The following SEC61A2 variants were observed in gnomAD, a reference collection of about 807,000 sequenced individuals.
SEC61A2 encodes protein transport protein Sec61 subunit alpha isoform 2.
A neutral mutation model predicts 59.9 loss-of-function variants in SEC61A2; 28 were observed. That is an observed-to-expected ratio of 0.47 (90% CI 0.35 to 0.64). The LOEUF (loss-of-function observed/expected upper bound fraction) is 0.64, where lower values mean the gene tolerates loss of function less well. Ranked by LOEUF, SEC61A2 falls within the 30% of genes least tolerant of loss-of-function variation. The probability of loss-of-function intolerance (pLI) is 0.01; values close to 1 mark genes in which losing one functional copy is unlikely to be tolerated. For missense variants in SEC61A2, 340 were observed against 585.9 expected (o/e 0.58, Z 4.33); for synonymous variants, 202 against 214.4 (o/e 0.94, Z 0.50).
chr10:12,155,995 C>T lies in SEC61A2; in HGVS notation c.616+64C>T. Reference sequence around the variant, plus strand: ...GGATGTGTGCTGGGAACAAACCCATCGTGTCGCAGTACATGCCTAGAGCCG... The same window carrying T: ...GGATGTGTGCTGGGAACAAACCCATTGTGTCGCAGTACATGCCTAGAGCCG... On this transcript the variant is annotated intron_variant, in intron 7 of 11. Coordinates refer to ENST00000298428, the MANE Select transcript of SEC61A2 (RefSeq NM_018144.4). This position sits in a 1 kb window ranked among gnomAD's most constrained non-coding sequence, Gnocchi z 4.3. 14 of 1,566,340 alleles carry T rather than the reference C, an allele frequency of 8.9e-6. No homozygotes were observed. Among genetic ancestry groups the T allele is most frequent in the South Asian group, 3.4e-5 (3 of 89,352 alleles).
Position 12,155,512 on chromosome 10 carries a change from G to T in SEC61A2, c.463-266G>T. On this transcript the variant is annotated intron_variant, in intron 6 of 11. Coordinates refer to ENST00000298428, the MANE Select transcript of SEC61A2 (RefSeq NM_018144.4). This position sits in a 1 kb window ranked among gnomAD's most constrained non-coding sequence, Gnocchi z 4.3. Reference sequence around the variant, plus strand: ...CAGGCTTTATTTAAACATTGCAAAAGAAACTATTCAGATAAGTGTAAATAG... The same window carrying T: ...CAGGCTTTATTTAAACATTGCAAAATAAACTATTCAGATAAGTGTAAATAG... The T allele has an allele frequency of 1.4e-6, 1 of 690,596 alleles. No homozygotes were observed. Among genetic ancestry groups the T allele is most frequent in the East Asian group, 2.7e-5 (1 of 36,368 alleles). 42.8% of individuals were successfully genotyped at this position (690,596 alleles called of 1,614,324 possible). A position where few individuals can be genotyped will look rare whatever the true frequency, so the allele number is the denominator to read the frequency against.
At chr10:12,157,884 C>A in intron 8 of SEC61A2, 24 bp from the exon 9 acceptor site, 1 of 1,610,718 alleles carries the variant, frequency 6.2e-7, no homozygotes, top group Non-Finnish European at 8.5e-7. Flanking sequence ...GGCTCCCCCA[C>A]TTACTCTCCG....
At chr10:12,133,418 A>G (rs1833810417) in intron 2 of SEC61A2, 110 bp downstream of exon 2, 3 of 549,576 alleles carry the variant, frequency 5.5e-6, no homozygotes, top group Non-Finnish European at 1.0e-5. Flanking sequence ...TTGGAAAACT[A>G]TTGGTGTTCA....
In SEC61A2 at chr10:12,143,240, A is replaced by G. The variant is rs1588634634; in HGVS notation, c.220+45A>G. ...CTCCACACTCCTACTCACAGCAAAC[A>G]GATGGAAACATGTGGATTAGCAATG... On this transcript the variant is annotated intron_variant, in intron 4 of 11. Coordinates refer to ENST00000298428, the MANE Select transcript of SEC61A2 (RefSeq NM_018144.4). This position sits in a 1 kb window ranked among gnomAD's most constrained non-coding sequence, Gnocchi z 4.8. 7.5e-7 allele frequency: 1 copy of G among 1,326,348 alleles called. No homozygotes were observed. The highest frequency in any genetic ancestry group is 2.3e-5 in the East Asian group (1 of 43,598). 82.2% of individuals were successfully genotyped at this position (1,326,348 alleles called of 1,614,324 possible).
At position 12,162,296 on chromosome 10, in the gene SEC61A2, C is replaced by T; in HGVS notation, c.1244+7C>T. 1.9e-6 allele frequency: 3 copies of T among 1,605,342 alleles called. No individual in the cohort carries two copies. Among genetic ancestry groups the T allele is most frequent in the Non-Finnish European group, 2.6e-6 (3 of 1,172,320 alleles). On this transcript the variant is annotated splice_region_variant and intron_variant, in intron 11 of 11. Transcript: ENST00000298428. This position sits in a 1 kb window ranked among gnomAD's most constrained non-coding sequence, Gnocchi z 6.1. ...TGGTTCATGAGCTTAATAGGTAAGG[C>T]TGCTAGACTGACACCTTTATAGGCC... is the stretch of plus-strand genomic sequence containing the variant.
chr10:12,131,566 T>C (rs76038861), intron 1 of SEC61A2, among the ~76,000 whole-genome samples: 3,567 of 152,142 alleles, frequency 0.023, 79 homozygotes, highest in Non-Finnish European at 0.033. Flanking sequence ...TCTGATGAAA[T>C]GTAATTGTTA....
At position 12,165,060 on chromosome 10, in the gene SEC61A2, C is replaced by A; in HGVS notation, c.*606C>A. 2 of 987,344 alleles carry A rather than the reference C, an allele frequency of 2.0e-6. No individual in the cohort carries two copies. The highest frequency in any genetic ancestry group is 6.1e-5 in the Admixed American group (1 of 16,274). The allele number at this position is 987,344 out of a possible 1,614,324, so 61.2% of individuals were successfully genotyped here. ...AAGGCCTCCTCCTTCTCCTCCTCCT[C>A]TTCCTCTTCCTCCTTTTCCTTCTCC... On this transcript the variant is annotated 3_prime_UTR_variant, in exon 12 of 12. Coordinates refer to ENST00000298428, the MANE Select transcript of SEC61A2 (RefSeq NM_018144.4).
At position 12,158,406 on chromosome 10, in the gene SEC61A2, C is replaced by T; in HGVS notation, c.975+301C>T. 1 of 347,152 alleles carries T rather than the reference C, an allele frequency of 2.9e-6. No individual in the cohort carries two copies. The highest frequency in any genetic ancestry group is 5.4e-6 in the Non-Finnish European group (1 of 186,492). The allele number at this position is 347,152 out of a possible 1,614,324, so 21.5% of individuals were successfully genotyped here. ...AATTTCCTATTTTGTCATCTTATTC[C>T]AGTATTGTCTACAATAATGCTTTCT... On this transcript the variant is annotated intron_variant, in intron 9 of 11. Coordinates refer to ENST00000298428, the MANE Select transcript of SEC61A2 (RefSeq NM_018144.4). This position sits in a 1 kb window ranked among gnomAD's most constrained non-coding sequence, Gnocchi z 5.7.
rs549275648 is a variant in SEC61A2, at chr10:12,145,949, C to T, written c.220+2754C>T. 6.6e-6 allele frequency among the ~76,000 whole-genome samples: 1 copy of T among 152,304 alleles called. No homozygotes were observed. The highest frequency in any genetic ancestry group is 2.4e-5 in the African/African-American group (1 of 41,570). ...AAGGGGAGCAAGGCCAGCCCTTAGG[C>T]CTCAGCAGCAGGGATTGGTGAACAT... On this transcript the variant is annotated intron_variant, in intron 4 of 11. Transcript: ENST00000298428. This position sits in a 1 kb window ranked among gnomAD's most constrained non-coding sequence, Gnocchi z 4.4.
chr10:12,149,524 G>T lies in SEC61A2; in HGVS notation c.221-71G>T. 1 of 1,430,200 alleles carries T rather than the reference G, an allele frequency of 7.0e-7. No individual in the cohort carries two copies. The highest frequency in any genetic ancestry group is 9.4e-7 in the Non-Finnish European group (1 of 1,062,198). The allele number at this position is 1,430,200 out of a possible 1,614,324, so 88.6% of individuals were successfully genotyped here. A position where few individuals can be genotyped will look rare whatever the true frequency, so the allele number is the denominator to read the frequency against. On this transcript the variant is annotated intron_variant, in intron 4 of 11. Coordinates refer to ENST00000298428, the MANE Select transcript of SEC61A2 (RefSeq NM_018144.4). This position sits in a 1 kb window ranked among gnomAD's most constrained non-coding sequence, Gnocchi z 5.2. The stretch of plus-strand genomic sequence containing the variant: ...GTGTTTCAGTTGAGGTAATTAGGGA[G>T]TGCGACACCTCTAAATCAGTTTGTA...
intron 8 of SEC61A2, among the ~76,000 whole-genome samples, chr10:12,157,650 A>G (rs910853781): frequency 6.6e-6 from 1 of 151,882 alleles, no homozygotes; most frequent in Non-Finnish European, 1.5e-5. Context: ...CTACAGGTGC[A>G]TATCACCACA....
At chr10:12,157,137 C>A in intron 8 of SEC61A2, 70 bp downstream of exon 8, 1 of 1,426,636 alleles carries the variant, frequency 7.0e-7, no homozygotes, top group Non-Finnish European at 9.7e-7. Context: ...AGAATGCCAT[C>A]TGACATGCTG....
rs369722478 is a variant in SEC61A2, at chr10:12,155,780, G to A, written c.465G>A (p.Leu155=). 1.8e-5 allele frequency: 29 copies of A among 1,614,036 alleles called. No homozygotes were observed. Among genetic ancestry groups the A allele is most frequent in the African/African-American group, 1.1e-4 (8 of 74,900 alleles). ...AGICLLIIIQ[L]FVAGLIVLLL... is the part of the protein sequence containing the mutation. Reference sequence around the variant, plus strand: ...TACTTGCATTTCTTTCCCCACAGTTGTTTGTTGCTGGTTTGATTGTGCTGC... The same window carrying A: ...TACTTGCATTTCTTTCCCCACAGTTATTTGTTGCTGGTTTGATTGTGCTGC... The change falls in exon 7 of 12, where the codon TTG becomes TTA. Residue 155 remains leucine, a splice_region_variant and synonymous_variant. Transcript: ENST00000298428. The surrounding 1 kb of genome is among the most constrained non-coding windows in gnomAD (Gnocchi z 4.3).
At chr10:12,136,059 C>G (rs1341284134) in intron 2 of SEC61A2, 46 bp from the exon 3 acceptor site, 1 of 1,334,612 alleles carries the variant, frequency 7.5e-7, no homozygotes, top group Non-Finnish European at 1.1e-6. Context: ...CAAAAATTTG[C>G]TGTTTCTTGG....
chr10:12,142,815 A>G lies in SEC61A2; in HGVS notation c.142-302A>G, dbSNP rs1038044564. 4.0e-5 allele frequency among the ~76,000 whole-genome samples: 6 copies of G among 151,806 alleles called. No homozygotes were observed. The East Asian group carries it at 1.2e-3, about 29-fold the overall frequency. On this transcript the variant is annotated intron_variant, in intron 3 of 11. Transcript: ENST00000298428. This position sits in a 1 kb window ranked among gnomAD's most constrained non-coding sequence, Gnocchi z 5.4. ...TTTTTTATTAACCCTTATCTATGTG[A>G]TGGAATGTTTTTCTTTTTATTTTCT...
chr10:12,134,868 G>A (rs534427032), intron 2 of SEC61A2, among the ~76,000 whole-genome samples: 10 of 151,524 alleles, frequency 6.6e-5, no homozygotes, highest in African/African-American at 1.9e-4. Flanking sequence ...GCAGTGAGCC[G>A]AGACTGCGCC....
chr10:12,166,517 T>C (rs1056072923), downstream of SEC61A2: 4 of 286,724 alleles, frequency 1.4e-5, no homozygotes, highest in African/African-American at 2.2e-5. Context: ...CTCATAAAAA[T>C]ATCCTGGGCT....
chr10:12,152,090 A>T lies in SEC61A2; in HGVS notation c.462+2129A>T, dbSNP rs765303533. On this transcript the variant is annotated intron_variant, in intron 6 of 11. Coordinates refer to ENST00000298428, the MANE Select transcript of SEC61A2 (RefSeq NM_018144.4). This position sits in a 1 kb window ranked among gnomAD's most constrained non-coding sequence, Gnocchi z 5.5. Reference sequence around the variant, plus strand: ...GTTTTGTCATTTGACCAGGGCAGGAATTTTTTTTTTCGAGACGGAGTCCTG... The same window carrying T: ...GTTTTGTCATTTGACCAGGGCAGGATTTTTTTTTTTCGAGACGGAGTCCTG... Among the ~76,000 whole-genome samples, 35 of 150,878 alleles carry T rather than the reference A, an allele frequency of 2.3e-4. No homozygotes were observed. Among genetic ancestry groups the T allele is most frequent in the Non-Finnish European group, 4.9e-4 (33 of 67,606 alleles).
rs563217794 is a variant in SEC61A2, at chr10:12,156,393, C to T, written c.616+462C>T. Among the ~76,000 whole-genome samples the T allele has an allele frequency of 6.6e-6, 1 of 152,260 alleles. No homozygotes were observed. Among genetic ancestry groups the T allele is most frequent in the African/African-American group, 2.4e-5 (1 of 41,554 alleles). Reference sequence around the variant, plus strand: ...TTGAAATATTTCATTCTCTCTTTCCCCTTCCTCATCTCCACTTCTAACAGA... The same window carrying T: ...TTGAAATATTTCATTCTCTCTTTCCTCTTCCTCATCTCCACTTCTAACAGA... On this transcript the variant is annotated intron_variant, in intron 7 of 11. Coordinates refer to ENST00000298428, the MANE Select transcript of SEC61A2 (RefSeq NM_018144.4). The surrounding 1 kb of genome is among the most constrained non-coding windows in gnomAD (Gnocchi z 5.2).
Sources: gnomAD v4.1 joint callset for allele counts (sites outside exome capture counted in the v4.1 genomes callset) on GRCh38, gnomAD v4.1.1 for gene constraint, Gnocchi (gnomAD v3.1) non-coding constraint, MANE v1.5 for transcripts, NCBI Gene and HGNC (gene_info 2026-07-23, HGNC 2026-07-21) for gene names.